Variants in ELP2 observed in about 807,000 individuals in gnomAD.
ELP2 encodes elongator acetyltransferase complex subunit 2, also known as elongator complex protein 2.
ELP2 carries 90 observed loss-of-function variants against 119.2 expected under a neutral mutation model. The ratio of observed to expected loss-of-function variants is 0.75; its 90% CI spans 0.64 to 0.90. The LOEUF is 0.90. Ranked by LOEUF, ELP2 falls within the 40% of genes least tolerant of loss-of-function variation. ELP2 has a pLI of 0.00. For synonymous variants in ELP2, 339 were observed against 331.0 expected, an observed-to-expected ratio of 1.02 and a Z score of -0.26; for missense variants, 921 against 967.8, an observed-to-expected ratio of 0.95 and a Z score of 0.64.
chr18:36,172,338 C>A (rs80230112), intron 21 of ELP2, among the ~76,000 whole-genome samples: 2 of 152,130 alleles, frequency 1.3e-5, no homozygotes, highest in Admixed American at 6.5e-5. Context: ...TTTCAACCTT[C>A]GTATATCTGT....
At chr18:36,148,535 A>G (rs887888463) in intron 11 of ELP2, among the ~76,000 whole-genome samples, 4 of 152,170 alleles carry the variant, frequency 2.6e-5, no homozygotes, top group African/African-American at 9.7e-5. Flanking sequence ...ACCTCAGGCC[A>G]TGGATCCCTC....
chr18:36,135,490 G>C (rs2144579553), intron 2 of ELP2, among the ~76,000 whole-genome samples: 1 of 152,250 alleles, frequency 6.6e-6, no homozygotes, highest in East Asian at 1.9e-4. Context: ...TGGGCCTTCT[G>C]AGTTCAAATC....
Position 36,156,136 on chromosome 18 carries a change from G to A in ELP2, c.1276-330G>A, listed in dbSNP as rs376786353. The stretch of plus-strand genomic sequence containing the variant: ...GCTTCAGTTTCTGATAGAAATTCAC[G>A]GAACTGACTGTGGGTCAGTCCGTAA... On this transcript the variant is annotated intron_variant, in intron 12 of 21. Transcript: ENST00000358232. Among the ~76,000 whole-genome samples, 397 of 152,260 alleles carry A rather than the reference G, an allele frequency of 2.6e-3. 3 individuals carry two copies. Among genetic ancestry groups the A allele is most frequent in the African/African-American group, 9.3e-3 (386 of 41,550 alleles).
chr18:36,168,328 A>G (rs2090967213), intron 19 of ELP2, among the ~76,000 whole-genome samples: 1 of 152,202 alleles, frequency 6.6e-6, no homozygotes, highest in South Asian at 2.1e-4. Context: ...CTGAGGAAGA[A>G]GGACTGCTTT....
intron 18 of ELP2, 47 bp from the exon 19 acceptor site, chr18:36,167,054 A>G: frequency 6.4e-7 from 1 of 1,552,794 alleles, no homozygotes; most frequent in Admixed American, 2.0e-5. Flanking sequence ...ACAGGTAAAA[A>G]CCCAGCTTTC....
chr18:36,160,455 T>C (rs1234519495), intron 16 of ELP2, among the ~76,000 whole-genome samples: 2 of 151,732 alleles, frequency 1.3e-5, no homozygotes, highest in Non-Finnish European at 1.5e-5. Context: ...TGCATGCCTG[T>C]AGTCCCAAGC....
intron 6 of ELP2, among the ~76,000 whole-genome samples, chr18:36,141,991 C>G (rs939586028): frequency 3.3e-5 from 5 of 152,170 alleles, no homozygotes; most frequent in South Asian, 4.1e-4. Context: ...ACTGCCCAAC[C>G]CACCTTTTTT....
intron 11 of ELP2, among the ~76,000 whole-genome samples, chr18:36,153,969 G>GTGC (rs2090483689): frequency 6.6e-6 from 1 of 151,716 alleles, no homozygotes; most frequent in Non-Finnish European, 1.5e-5. Flanking sequence ...TAGTCCAAAA[G>GTGC]TGCTGTCCAT....
At chr18:36,132,431 A>G (rs141141280) in intron 1 of ELP2, among the ~76,000 whole-genome samples, 6 of 152,326 alleles carry the variant, frequency 3.9e-5, no homozygotes, top group Middle Eastern at 3.4e-3. Flanking sequence ...TGTGAAATAT[A>G]TTAGTTTATG....
chr18:36,151,063 G>T (rs1330065582), intron 11 of ELP2, among the ~76,000 whole-genome samples: 1 of 146,878 alleles, frequency 6.8e-6, no homozygotes, highest in Non-Finnish European at 1.5e-5. Flanking sequence ...TTTCACTGTA[G>T]TCTCTGCCTT....
intron 13 of ELP2, 79 bp downstream of exon 13, chr18:36,156,733 AATGGAATAT>A: frequency 7.8e-7 from 1 of 1,281,662 alleles, no homozygotes. Context: ...TTAGGCTTTA[AATGGAATAT>A]ATGGGTAGAA....
At chr18:36,160,084 A>G (rs2090689722) in intron 16 of ELP2, 69 bp downstream of exon 16, 2 of 1,424,146 alleles carry the variant, frequency 1.4e-6, no homozygotes, top group Non-Finnish European at 2.0e-6. Flanking sequence ...TCCCCACCCC[A>G]CAATCTGATG....
At position 36,146,281 on chromosome 18, in the gene ELP2, T is replaced by C; in HGVS notation, c.1025T>C (p.Leu342Ser). ...GTAGGTGAAGTAGGTGGGAATACTT[T>C]GGGATTTTATGATTGCCAGTTCAAT... ...VRVGEVGGNT[L>S]GFYDCQFNED... The change falls in exon 11 of 22, where the codon TTG becomes TCG. Residue 342 changes from leucine (L) to serine (S), a missense_variant. Physicochemically the swap from Leu to Ser is moderately radical, Grantham distance 145 (BLOSUM62 -2). Transcript: ENST00000358232. 6 of 1,614,146 alleles carry C rather than the reference T, an allele frequency of 3.7e-6. No individual in the cohort carries two copies. The highest frequency in any genetic ancestry group is 4.2e-6 in the Non-Finnish European group (5 of 1,179,988).
chr18:36,165,029 A>C, intron 18 of ELP2: 1 of 255,168 alleles, frequency 3.9e-6, no homozygotes, highest in Non-Finnish European at 7.7e-6. Context: ...TTTATGGGAC[A>C]GGAATAATGA....
intron 5 of ELP2, among the ~76,000 whole-genome samples, chr18:36,139,171 A>C (rs1229199242): frequency 1.3e-5 from 2 of 152,238 alleles, no homozygotes. Flanking sequence ...TGAGGAAAGA[A>C]TCTAATTCTT....
At chr18:36,153,165 A>G (rs1399639824) in intron 11 of ELP2, among the ~76,000 whole-genome samples, 1 of 152,118 alleles carries the variant, frequency 6.6e-6, no homozygotes, top group East Asian at 1.9e-4. Context: ...TTTGGATTGA[A>G]TATTTCACTT....
intron 20 of ELP2, among the ~76,000 whole-genome samples, chr18:36,170,466 C>A (rs2144819424): frequency 6.6e-6 from 1 of 152,198 alleles, no homozygotes; most frequent in East Asian, 1.9e-4. Context: ...CATGCGCCGT[C>A]ACGCCTGGCT....
chr18:36,150,308 C>A (rs1292302537), intron 11 of ELP2, among the ~76,000 whole-genome samples: 2 of 152,222 alleles, frequency 1.3e-5, no homozygotes, highest in East Asian at 1.9e-4. Context: ...TCACACAGTT[C>A]CAGTGTCAGT....
chr18:36,137,581 A>G (rs2089870675), intron 3 of ELP2, among the ~76,000 whole-genome samples: 1 of 152,144 alleles, frequency 6.6e-6, no homozygotes. Context: ...AAAAAAGATA[A>G]ACCCAAAACA....
Sources: gnomAD v4.1 joint callset for allele counts (sites outside exome capture counted in the v4.1 genomes callset) on GRCh38, gnomAD v4.1.1 for gene constraint, MANE v1.5 for transcripts, NCBI Gene and HGNC (gene_info 2026-07-23, HGNC 2026-07-21) for gene names.